Variants in TBC1D22A observed in about 807,000 individuals in gnomAD.
The protein encoded by TBC1D22A is TBC1 domain family member 22A, also known as putative GTPase activator.
Under a neutral mutation model 60.2 loss-of-function variants are expected in TBC1D22A, and 38 were observed. The ratio of observed to expected loss-of-function variants is 0.63; its 90% CI spans 0.49 to 0.83. TBC1D22A has a LOEUF of 0.83. Among genes scored for constraint, TBC1D22A ranks in the 40% least tolerant of loss-of-function variants. The probability of loss-of-function intolerance (pLI) is 0.00; values close to 1 mark genes in which losing one functional copy is unlikely to be tolerated. For missense variants in TBC1D22A, 628 were observed against 701.0 expected (o/e 0.90, Z 1.18); for synonymous variants, 302 against 281.7 (o/e 1.07, Z -0.72).
chr22:47,159,404 C>G (rs111213414), intron 12 of TBC1D22A, among the ~76,000 whole-genome samples: 1 of 151,318 alleles, frequency 6.6e-6, no homozygotes, highest in African/African-American at 2.4e-5. Context: ...ACCACACTCT[C>G]ACCATGTATA....
chr22:46,926,972 A>G (rs2071083095), intron 8 of TBC1D22A, among the ~76,000 whole-genome samples: 1 of 152,170 alleles, frequency 6.6e-6, no homozygotes, highest in Non-Finnish European at 1.5e-5. Flanking sequence ...AAAAATCCCC[A>G]CAAAGAAAAT....
intron 8 of TBC1D22A, among the ~76,000 whole-genome samples, chr22:46,927,184 A>G (rs891600932): frequency 1.3e-5 from 2 of 152,202 alleles, no homozygotes; most frequent in Admixed American, 6.5e-5. Flanking sequence ...TCCTTATCAC[A>G]ATGGACTTAA....
rs144735516 is a variant in TBC1D22A, at chr22:46,808,230, C to T, written c.637+10610C>T. ...AAAATTAGCCGGGCGTGATGGCACACGCCTGTAATCCCAGCTACTTAGGAA... is the reference window on the plus strand; with the variant it reads ...AAAATTAGCCGGGCGTGATGGCACATGCCTGTAATCCCAGCTACTTAGGAA... On this transcript the variant is annotated intron_variant, in intron 4 of 12. Coordinates refer to ENST00000337137, the MANE Select transcript of TBC1D22A (RefSeq NM_014346.5). Among the ~76,000 whole-genome samples the T allele has an allele frequency of 5.3e-5, 8 of 152,024 alleles. No individual in the cohort carries two copies. In the South Asian group the frequency reaches 1.2e-3, roughly 24 times the overall value.
In TBC1D22A at chr22:47,124,251, A is replaced by T. The variant is rs141007365; in HGVS notation, c.1425+12648A>T. ...CAGGGTAAATGCAGGAAGGTTGGGG[A>T]TGGGGTGGTGATGTGCAGGGTTCAG... On this transcript the variant is annotated intron_variant, in intron 12 of 12. Coordinates refer to ENST00000337137, the MANE Select transcript of TBC1D22A (RefSeq NM_014346.5). 1.8e-4 allele frequency among the ~76,000 whole-genome samples: 27 copies of T among 152,138 alleles called. No individual in the cohort carries two copies. The Middle Eastern group carries it at 0.017, about 96-fold the overall frequency.
chr22:47,080,620 T>TAA (rs77313180), intron 11 of TBC1D22A, among the ~76,000 whole-genome samples: 2 of 115,450 alleles, frequency 1.7e-5, no homozygotes, highest in African/African-American at 6.9e-5. Flanking sequence ...CATATACCTG[T>TAA]AAAAATATAT....
intron 8 of TBC1D22A, among the ~76,000 whole-genome samples, chr22:46,966,065 G>A (rs918653991): frequency 5.3e-5 from 8 of 152,132 alleles, no homozygotes; most frequent in Non-Finnish European, 1.2e-4. Context: ...AGCGCTTCCC[G>A]TCCCTCTACA....
At chr22:47,128,639 G>T (rs574399993) in intron 12 of TBC1D22A, among the ~76,000 whole-genome samples, 23 of 152,124 alleles carry the variant, frequency 1.5e-4, no homozygotes, top group African/African-American at 5.5e-4. Flanking sequence ...ACAGCTATCC[G>T]TGTGTTTATT....
chr22:46,889,739 G>A (rs1018383180), intron 5 of TBC1D22A, among the ~76,000 whole-genome samples: 10 of 152,206 alleles, frequency 6.6e-5, no homozygotes, highest in African/African-American at 1.7e-4. Context: ...AAGCTTGCAC[G>A]ATGTGTAGGT....
chr22:47,047,095 G>T (rs1453030759), intron 11 of TBC1D22A, among the ~76,000 whole-genome samples: 1 of 152,238 alleles, frequency 6.6e-6, no homozygotes, highest in East Asian at 1.9e-4. Flanking sequence ...GGTTTCGTTT[G>T]CTGTGAGGAT....
At chr22:47,130,411 C>A (rs922643959) in intron 12 of TBC1D22A, among the ~76,000 whole-genome samples, 7 of 152,192 alleles carry the variant, frequency 4.6e-5, no homozygotes, top group Non-Finnish European at 1.0e-4. Flanking sequence ...CAGCACTTCT[C>A]TGTGTGAATG....
At chr22:46,788,608 G>A (rs1335718003) in intron 1 of TBC1D22A, among the ~76,000 whole-genome samples, 1 of 152,198 alleles carries the variant, frequency 6.6e-6, no homozygotes, top group Non-Finnish European at 1.5e-5. Context: ...CAGGGCGTCT[G>A]TGTCCTCAGC....
At chr22:47,107,054 C>G (rs1480921332) in intron 11 of TBC1D22A, among the ~76,000 whole-genome samples, 1 of 152,138 alleles carries the variant, frequency 6.6e-6, no homozygotes, top group Non-Finnish European at 1.5e-5. Flanking sequence ...TTAAAATATT[C>G]TTAATTTTTT....
chr22:46,795,435 G>A (rs9616122), intron 3 of TBC1D22A, among the ~76,000 whole-genome samples: 1 of 152,246 alleles, frequency 6.6e-6, no homozygotes, highest in Non-Finnish European at 1.5e-5. Flanking sequence ...GCTGTGACCA[G>A]CTGGGGTCGG....
intron 12 of TBC1D22A, among the ~76,000 whole-genome samples, chr22:47,139,690 G>A (rs754971518): frequency 5.3e-5 from 8 of 152,222 alleles, no homozygotes; most frequent in South Asian, 2.1e-4. Context: ...AGGAGGAGGC[G>A]CGGTGTCCTG....
chr22:47,160,482 A>G (rs2067936287), intron 12 of TBC1D22A, among the ~76,000 whole-genome samples: 1 of 152,134 alleles, frequency 6.6e-6, no homozygotes, highest in Non-Finnish European at 1.5e-5. Context: ...CTGCAGCCCC[A>G]AGCACAGGGC....
chr22:47,023,017 C>A (rs541619097), intron 10 of TBC1D22A, among the ~76,000 whole-genome samples: 18 of 152,236 alleles, frequency 1.2e-4, no homozygotes, highest in African/African-American at 4.3e-4. Context: ...TGGAAAAGAT[C>A]GCAGATAATG....
intron 4 of TBC1D22A, among the ~76,000 whole-genome samples, chr22:46,876,863 A>T (rs1010748109): frequency 6.6e-6 from 1 of 152,200 alleles, no homozygotes; most frequent in African/African-American, 2.4e-5. Flanking sequence ...TGCTAGAAAG[A>T]TGTACCAAAC....
At chr22:47,124,219 A>G (rs537587204) in intron 12 of TBC1D22A, among the ~76,000 whole-genome samples, 1 of 152,360 alleles carries the variant, frequency 6.6e-6, no homozygotes, top group East Asian at 1.9e-4. Context: ...TGTTTTAGCA[A>G]GAACTGCAGG....
Position 46,912,115 on chromosome 22 carries a change from A to G in TBC1D22A, c.942A>G (p.Pro314=). The change falls in exon 8 of 13, where the codon CCA becomes CCG. Residue 314 remains proline, a synonymous_variant. Coordinates refer to ENST00000337137, the MANE Select transcript of TBC1D22A (RefSeq NM_014346.5). ...RILFIWAIRH[P]ASGYVQGIND... ...TGTTCATATGGGCGATCCGCCACCCAGCCAGTGGATACGTTCAGGGTATAA... is the reference window on the plus strand; with the variant it reads ...TGTTCATATGGGCGATCCGCCACCCGGCCAGTGGATACGTTCAGGGTATAA... The G allele has an allele frequency of 6.2e-7, 1 of 1,614,084 alleles. No homozygotes were observed. The highest frequency in any genetic ancestry group is 1.1e-5 in the South Asian group (1 of 91,036).
Sources: allele counts gnomAD v4.1 joint callset (sites outside exome capture counted in the v4.1 genomes callset), GRCh38; gene constraint gnomAD v4.1.1; transcripts MANE v1.5; gene names NCBI Gene and HGNC (gene_info 2026-07-23, HGNC 2026-07-21).